Variants in PLD5 observed in about 807,000 individuals in gnomAD.
PLD5 encodes phospholipase D family member 5.
In PLD5, 36 loss-of-function variants were observed where a neutral mutation model predicts 61.1. That is an observed-to-expected ratio of 0.59 (90% CI 0.45 to 0.78). PLD5 has a LOEUF of 0.78. PLD5 is among the 30% of genes least tolerant of loss of function. PLD5 has a pLI of 0.00. For synonymous variants in PLD5, 243 were observed against 242.8 expected, an observed-to-expected ratio of 1.00 and a Z score of -0.01; for missense variants, 515 against 644.4, an observed-to-expected ratio of 0.80 and a Z score of 2.17.
At chr1:242,297,054 AC>A (rs530649947) in intron 2 of PLD5, among the ~76,000 whole-genome samples, 354 of 152,106 alleles carry the variant, frequency 2.3e-3, no homozygotes, top group African/African-American at 7.9e-3. Context: ...ACAAAGAAAA[AC>A]TTCCCCCTGG....
intron 1 of PLD5, among the ~76,000 whole-genome samples, chr1:242,356,342 T>G (rs952614483): frequency 3.3e-5 from 5 of 152,018 alleles, no homozygotes; most frequent in Admixed American, 1.3e-4. Context: ...TTTAAAATAC[T>G]TTTTGACTTA....
chr1:242,130,818 G>A (rs377660333), intron 5 of PLD5, among the ~76,000 whole-genome samples: 2 of 152,074 alleles, frequency 1.3e-5, no homozygotes, highest in African/African-American at 2.4e-5. Flanking sequence ...TGGTTCAACC[G>A]TTTGAAGAAA....
intron 3 of PLD5, among the ~76,000 whole-genome samples, chr1:242,287,177 C>A (rs1675073916): frequency 6.6e-6 from 1 of 152,114 alleles, no homozygotes; most frequent in Non-Finnish European, 1.5e-5. Flanking sequence ...TCAGCCATCC[C>A]AGACGTTCCA....
intron 1 of PLD5, among the ~76,000 whole-genome samples, chr1:242,462,867 C>T (rs1365984204): frequency 6.6e-6 from 1 of 152,166 alleles, no homozygotes; most frequent in Non-Finnish European, 1.5e-5. Context: ...TCCACTGATT[C>T]CTGAGTCAAT....
At chr1:242,314,538 G>C (rs1253303725) in intron 2 of PLD5, among the ~76,000 whole-genome samples, 1 of 152,192 alleles carries the variant, frequency 6.6e-6, no homozygotes, top group Non-Finnish European at 1.5e-5. Context: ...CTCCGAACTA[G>C]GGCTTGCCTT....
chr1:242,480,181 A>G (rs1466173025), intron 1 of PLD5, among the ~76,000 whole-genome samples: 2 of 152,256 alleles, frequency 1.3e-5, no homozygotes, highest in Non-Finnish European at 2.9e-5. Context: ...AACTGGACAG[A>G]GTAGTGAATC....
intron 4 of PLD5, among the ~76,000 whole-genome samples, chr1:242,251,549 A>G (rs1350333066): frequency 1.3e-5 from 2 of 152,144 alleles, no homozygotes; most frequent in Admixed American, 6.5e-5. Context: ...CAGTGGAGTC[A>G]GGGCAGAGCC....
At chr1:242,380,718 C>A (rs997127232) in intron 1 of PLD5, among the ~76,000 whole-genome samples, 1 of 151,532 alleles carries the variant, frequency 6.6e-6, no homozygotes, top group Non-Finnish European at 1.5e-5. Context: ...GAAAAAAAAA[C>A]AACTCCATTA....
At chr1:242,355,550 C>G (rs1238120435) in intron 1 of PLD5, among the ~76,000 whole-genome samples, 1 of 151,738 alleles carries the variant, frequency 6.6e-6, no homozygotes, top group Non-Finnish European at 1.5e-5. Context: ...AATAACCACT[C>G]TTAGTTTTAT....
intron 1 of PLD5, among the ~76,000 whole-genome samples, chr1:242,490,986 C>G (rs888747947): frequency 1.2e-4 from 19 of 152,298 alleles, no homozygotes; most frequent in African/African-American, 4.1e-4. Context: ...TGTTTCCCCC[C>G]ACATATACCT....
chr1:242,109,146 T>C (rs1212742856), intron 7 of PLD5, among the ~76,000 whole-genome samples: 3 of 152,236 alleles, frequency 2.0e-5, no homozygotes, highest in African/African-American at 7.2e-5. Context: ...ACCACCGCAG[T>C]GATCCATCTA....
chr1:242,396,200 C>T (rs939128349), intron 1 of PLD5, among the ~76,000 whole-genome samples: 2 of 152,244 alleles, frequency 1.3e-5, no homozygotes, highest in African/African-American at 4.8e-5. Flanking sequence ...CTACACTATT[C>T]ATATTTTGAG....
At chr1:242,137,870 T>G (rs538034776) in intron 5 of PLD5, among the ~76,000 whole-genome samples, 41 of 152,344 alleles carry the variant, frequency 2.7e-4, no homozygotes, top group African/African-American at 9.6e-4. Context: ...CCAGATGCTT[T>G]GTTTGCCCAT....
At chr1:242,189,080 G>A (rs1481271317) in intron 5 of PLD5, among the ~76,000 whole-genome samples, 3 of 152,206 alleles carry the variant, frequency 2.0e-5, no homozygotes, top group African/African-American at 4.8e-5. Context: ...AATAAAAAGA[G>A]AAGGGAGCAT....
intron 1 of PLD5, among the ~76,000 whole-genome samples, chr1:242,499,236 T>C (rs1668475145): frequency 6.6e-6 from 1 of 152,186 alleles, no homozygotes; most frequent in Non-Finnish European, 1.5e-5. Context: ...GAGAAGATGA[T>C]TAAGGGAAAA....
At chr1:242,179,108 T>C (rs1313685574) in intron 5 of PLD5, among the ~76,000 whole-genome samples, 2 of 152,288 alleles carry the variant, frequency 1.3e-5, no homozygotes, top group Admixed American at 6.5e-5. Flanking sequence ...TGCAGAGCAA[T>C]GTGGGAGGTG....
At chr1:242,458,716 T>C (rs1344377293) in intron 1 of PLD5, among the ~76,000 whole-genome samples, 1 of 152,150 alleles carries the variant, frequency 6.6e-6, no homozygotes, top group African/African-American at 2.4e-5. Flanking sequence ...GTTCAAAAAC[T>C]AACATAATTA....
intron 5 of PLD5, among the ~76,000 whole-genome samples, chr1:242,157,323 T>G (rs1665459810): frequency 6.6e-6 from 1 of 152,222 alleles, no homozygotes; most frequent in Admixed American, 6.5e-5. Context: ...CGGAGAAGTT[T>G]GTTATTACCC....
chr1:242,259,181 T>C (rs1307039911), intron 4 of PLD5, among the ~76,000 whole-genome samples: 1 of 152,162 alleles, frequency 6.6e-6, no homozygotes, highest in Non-Finnish European at 1.5e-5. Context: ...TGGTGGCACA[T>C]GCCTCTAGTC....
Sources: allele counts gnomAD v4.1 joint callset (sites outside exome capture counted in the v4.1 genomes callset), GRCh38; gene constraint gnomAD v4.1.1; transcripts MANE v1.5; gene names NCBI Gene and HGNC (gene_info 2026-07-23, HGNC 2026-07-21).